The following RANBP9 variants were observed in gnomAD, a reference collection of about 807,000 sequenced individuals.
RANBP9 encodes the protein ran-binding protein 9.
A neutral mutation model predicts 84.3 loss-of-function variants in RANBP9; 15 were observed. The observed-to-expected ratio is 0.18, with a 90% CI of 0.12 to 0.27. The LOEUF (loss-of-function observed/expected upper bound fraction) is 0.27. RANBP9 is among the 10% of genes least tolerant of loss of function. The probability of loss-of-function intolerance (pLI) is 1.00; values close to 1 mark genes in which losing one functional copy is unlikely to be tolerated. For missense variants in RANBP9, 809 were observed against 912.8 expected (o/e 0.89, Z 1.46); for synonymous variants, 392 against 349.6 (o/e 1.12, Z -1.35).
intron 2 of RANBP9, among the ~76,000 whole-genome samples, chr6:13,672,744 A>G (rs1765802966): frequency 6.6e-6 from 1 of 152,180 alleles, no homozygotes; most frequent in Admixed American, 6.5e-5. Context: ...GACATTTTAA[A>G]TAACTCATTA....
At chr6:13,646,568 AAATAAAGACATT>A (rs1310397740) in intron 5 of RANBP9, among the ~76,000 whole-genome samples, 2 of 152,232 alleles carry the variant, frequency 1.3e-5, no homozygotes, top group African/African-American at 4.8e-5. Context: ...AGTATTGTCT[AAATAAAGACATT>A]TTTAAAATGA....
At chr6:13,686,672 G>A (rs755667797) in intron 2 of RANBP9, among the ~76,000 whole-genome samples, 2 of 152,076 alleles carry the variant, frequency 1.3e-5, no homozygotes, top group East Asian at 1.9e-4. Context: ...CAAAAGTGCT[G>A]GGATTACAGG....
chr6:13,642,413 A>G, intron 7 of RANBP9, 66 bp downstream of exon 7: 1 of 934,022 alleles, frequency 1.1e-6, no homozygotes, highest in South Asian at 2.7e-5. Context: ...CAAAATTTCT[A>G]AAAATTAAAG....
intron 13 of RANBP9, among the ~76,000 whole-genome samples, chr6:13,623,688 T>C (rs1355054016): frequency 6.6e-6 from 1 of 152,226 alleles, no homozygotes; most frequent in Admixed American, 6.5e-5. Context: ...TTCATAACAC[T>C]ATATAGATGG....
chr6:13,674,494 A>G (rs1765845085), intron 2 of RANBP9, among the ~76,000 whole-genome samples: 2 of 152,212 alleles, frequency 1.3e-5, no homozygotes, highest in South Asian at 4.1e-4. Context: ...GTCGTGATCA[A>G]CTCAGTATAG....
intron 1 of RANBP9, 111 bp downstream of exon 1, chr6:13,710,824 G>C (rs1199207525): frequency 3.2e-5 from 40 of 1,239,330 alleles, no homozygotes; most frequent in South Asian, 2.8e-4. Context: ...AGTGGCCTCC[G>C]AGGGCAGAGC....
At position 13,639,770 on chromosome 6, in the gene RANBP9, A is replaced by G. The variant is rs569504693; in HGVS notation, c.1335-17T>C. On this transcript the variant is annotated splice_polypyrimidine_tract_variant and intron_variant, in intron 8 of 13. Transcript: ENST00000011619. ...TGACGCACTCTAAAGGAGAAAAGAA[A>G]AATTTACTTAGACACAATCTTCAAA... 1.3e-6 allele frequency: 2 copies of G among 1,580,182 alleles called. 1 individual carries two copies. The highest frequency in any genetic ancestry group is 2.3e-5 in the South Asian group (2 of 88,544).
At chr6:13,693,408 C>T (rs1766371861) in intron 2 of RANBP9, among the ~76,000 whole-genome samples, 1 of 152,106 alleles carries the variant, frequency 6.6e-6, no homozygotes, top group South Asian at 2.1e-4. Flanking sequence ...ATGACAATAC[C>T]TAGTGCTAAG....
chr6:13,689,677 T>C (rs1046263934), intron 2 of RANBP9, among the ~76,000 whole-genome samples: 3 of 152,192 alleles, frequency 2.0e-5, no homozygotes, highest in Admixed American at 1.3e-4. Context: ...TGTGAGACTA[T>C]TCTGGCCATT....
intron 2 of RANBP9, among the ~76,000 whole-genome samples, chr6:13,672,649 T>C (rs898358773): frequency 6.6e-6 from 1 of 152,076 alleles, no homozygotes; most frequent in Non-Finnish European, 1.5e-5. Flanking sequence ...TTGCAAGGCA[T>C]GTAACAGGCA....
chr6:13,674,163 A>G (rs965079311), intron 2 of RANBP9, among the ~76,000 whole-genome samples: 7 of 152,148 alleles, frequency 4.6e-5, no homozygotes, highest in African/African-American at 1.2e-4. Flanking sequence ...GGTAGACACT[A>G]AAACCCAACT....
Position 13,625,573 on chromosome 6 carries a change from G to GT in RANBP9, c.2059+79dup, listed in dbSNP as rs1231379429. 5 of 875,402 alleles carry GT rather than the reference G, an allele frequency of 5.7e-6. No individual in the cohort carries two copies. In the Admixed American group the frequency reaches 8.2e-5, roughly 14 times the overall value. The allele number at this position is 875,402 out of a possible 1,614,324, so 54.2% of individuals were successfully genotyped here. A position where few individuals can be genotyped will look rare whatever the true frequency, so the allele number is the denominator to read the frequency against. Reference sequence around the variant, plus strand: ...ACATTTTCCTGATGATTTTACCAAAGTGTAAATGCCAGTACAAACACCCTC... The same window carrying GT: ...ACATTTTCCTGATGATTTTACCAAAGTTGTAAATGCCAGTACAAACACCCTC... On this transcript the variant is annotated intron_variant, in intron 13 of 13. Coordinates refer to ENST00000011619, the MANE Select transcript of RANBP9 (RefSeq NM_005493.3).
chr6:13,711,656 G>A lies in RANBP9; in HGVS notation c.-151C>T. The A allele has an allele frequency of 1.7e-6, 1 of 604,970 alleles. No individual in the cohort carries two copies. The highest frequency in any genetic ancestry group is 2.3e-6 in the Non-Finnish European group (1 of 434,804). 37.5% of individuals were successfully genotyped at this position (604,970 alleles called of 1,614,324 possible). ...CGGGCCGCGCGCCCAGGGAGACCGC[G>A]GCGGTTGAGGAGCTCGGAGACGCGG... On this transcript the variant is annotated 5_prime_UTR_variant, in exon 1 of 14. Coordinates refer to ENST00000011619, the MANE Select transcript of RANBP9 (RefSeq NM_005493.3).
At chr6:13,707,216 A>G (rs939290620) in intron 1 of RANBP9, among the ~76,000 whole-genome samples, 5 of 151,908 alleles carry the variant, frequency 3.3e-5, no homozygotes, top group African/African-American at 1.2e-4. Flanking sequence ...ACGGGGTCCC[A>G]CTATGTTGCC....
chr6:13,700,379 C>A (rs1453459858), intron 1 of RANBP9, among the ~76,000 whole-genome samples: 1 of 152,200 alleles, frequency 6.6e-6, no homozygotes, highest in Admixed American at 6.5e-5. Context: ...TCCACCTGCA[C>A]TTTCCACCTC....
At chr6:13,659,982 G>C (rs1765504357) in intron 2 of RANBP9, among the ~76,000 whole-genome samples, 3 of 152,102 alleles carry the variant, frequency 2.0e-5, no homozygotes, top group Admixed American at 1.3e-4. Context: ...TATATACATA[G>C]AAAACCACAG....
At chr6:13,668,077 TAAAAG>T (rs1306252356) in intron 2 of RANBP9, among the ~76,000 whole-genome samples, 9 of 151,586 alleles carry the variant, frequency 5.9e-5, no homozygotes, top group African/African-American at 1.9e-4. Flanking sequence ...GCAAGAAAAA[TAAAAG>T]AAGACTCAAA....
rs774542899 is a variant in RANBP9, at chr6:13,689,273, C to CT, written c.683+7511dup. Among the ~76,000 whole-genome samples the CT allele has an allele frequency of 5.5e-3, 786 of 142,758 alleles. 2 individuals carry two copies. The highest frequency in any genetic ancestry group is 0.013 in the African/African-American group (505 of 39,234). The allele number at this position is 142,758 out of a possible 152,430, so 93.7% of individuals were successfully genotyped here. On this transcript the variant is annotated intron_variant, in intron 2 of 13. Transcript: ENST00000011619. ...TCTGATTCCATTCTCACTTTTTTTC[C>CT]TTTTTTTTTTTTTTGAGAGATGAAG...
At chr6:13,705,406 CA>C (rs774239782) in intron 1 of RANBP9, among the ~76,000 whole-genome samples, 1,845 of 26,616 alleles carry the variant, frequency 0.069, no homozygotes, top group South Asian at 0.13. Context: ...GATTCTGTCT[CA>C]AAAAAAAAAA....
Sources: allele counts gnomAD v4.1 joint callset (sites outside exome capture counted in the v4.1 genomes callset), GRCh38; gene constraint gnomAD v4.1.1; transcripts MANE v1.5; gene names NCBI Gene and HGNC (gene_info 2026-07-23, HGNC 2026-07-21).